Variants in CSMD1 observed in about 807,000 individuals in gnomAD.
CSMD1 encodes the protein CUB and sushi domain-containing protein 1.
A neutral mutation model predicts 417.5 loss-of-function variants in CSMD1; 213 were observed. The observed-to-expected ratio is 0.51, with a 90% CI of 0.46 to 0.57. CSMD1 has a LOEUF of 0.57. Among genes scored for constraint, CSMD1 ranks in the 20% least tolerant of loss-of-function variants. The pLI is 0.00. For synonymous variants in CSMD1, 2,862 were observed against 1,736.8 expected (o/e 1.65, Z -16.11); for missense variants, 6,923 against 4,529.7 (o/e 1.53, Z -15.17).
At chr8:4,395,970 A>G (rs368278179) in intron 3 of CSMD1, among the ~76,000 whole-genome samples, 28 of 152,320 alleles carry the variant, frequency 1.8e-4, no homozygotes, top group African/African-American at 5.8e-4. Flanking sequence ...AACTTTAGAT[A>G]AATATATTCT....
At chr8:3,276,584 C>A (rs1227358405) in intron 26 of CSMD1, among the ~76,000 whole-genome samples, 2 of 152,130 alleles carry the variant, frequency 1.3e-5, no homozygotes, top group African/African-American at 4.8e-5. Context: ...GGGTCCCTCC[C>A]ATGATACGTG....
chr8:4,889,736 G>A (rs964474578), intron 1 of CSMD1, among the ~76,000 whole-genome samples: 4 of 152,000 alleles, frequency 2.6e-5, no homozygotes, highest in Admixed American at 2.0e-4. Flanking sequence ...TAGGTCCTTG[G>A]CTATTTTTGA....
intron 6 of CSMD1, among the ~76,000 whole-genome samples, chr8:3,743,373 G>C (rs117502892): frequency 1.3e-5 from 2 of 152,284 alleles, no homozygotes; most frequent in African/African-American, 2.4e-5. Flanking sequence ...ATAATTTGCC[G>C]TCCACACATA....
At chr8:3,709,812 C>T (rs2129040499) in intron 6 of CSMD1, among the ~76,000 whole-genome samples, 1 of 147,214 alleles carries the variant, frequency 6.8e-6, no homozygotes, top group South Asian at 2.2e-4. Flanking sequence ...GCTTCATAAT[C>T]ATGTGAGTCA....
chr8:3,508,676 T>A (rs1796936785), intron 10 of CSMD1, among the ~76,000 whole-genome samples: 1 of 152,218 alleles, frequency 6.6e-6, no homozygotes, highest in African/African-American at 2.4e-5. Context: ...TTCCAGCTTA[T>A]CTATTATGGA....
chr8:3,906,602 A>T (rs1808128184), intron 5 of CSMD1, among the ~76,000 whole-genome samples: 1 of 150,990 alleles, frequency 6.6e-6, no homozygotes, highest in East Asian at 1.9e-4. Flanking sequence ...AAAAGGTAAT[A>T]CTCTAGAATC....
intron 1 of CSMD1, among the ~76,000 whole-genome samples, chr8:4,674,765 A>G (rs1014213907): frequency 7.2e-5 from 11 of 152,208 alleles, no homozygotes; most frequent in African/African-American, 1.9e-4. Context: ...GAGTATCAGC[A>G]TGCTATAGAT....
chr8:4,247,738 C>G (rs2128828237), intron 3 of CSMD1, among the ~76,000 whole-genome samples: 1 of 152,202 alleles, frequency 6.6e-6, no homozygotes, highest in African/African-American at 2.4e-5. Flanking sequence ...GAAAATGTAT[C>G]ATCAACTGCT....
At chr8:4,771,006 AAATGAAAAGGC>A (rs1371317847) in intron 1 of CSMD1, among the ~76,000 whole-genome samples, 2 of 152,216 alleles carry the variant, frequency 1.3e-5, no homozygotes, top group Non-Finnish European at 2.9e-5. Flanking sequence ...ATAATCAACA[AAATGAAAAGGC>A]AACTTACAGA....
At chr8:3,252,074 C>G (rs560889777) in intron 26 of CSMD1, among the ~76,000 whole-genome samples, 11 of 152,230 alleles carry the variant, frequency 7.2e-5, no homozygotes, top group African/African-American at 1.7e-4. Context: ...GCCTGATTGC[C>G]CTGGCCAGAA....
intron 26 of CSMD1, among the ~76,000 whole-genome samples, chr8:3,259,047 C>A (rs1800864776): frequency 6.6e-6 from 1 of 152,148 alleles, no homozygotes; most frequent in Non-Finnish European, 1.5e-5. Context: ...TACTCCAGAG[C>A]TCTAGGGAAG....
At chr8:2,962,928 G>C (rs576851810) in intron 60 of CSMD1, among the ~76,000 whole-genome samples, 5 of 152,242 alleles carry the variant, frequency 3.3e-5, no homozygotes, top group African/African-American at 1.2e-4. Flanking sequence ...CACACCTGTA[G>C]TCCCAGCTAC....
intron 7 of CSMD1, among the ~76,000 whole-genome samples, chr8:3,692,600 T>C (rs1800312955): frequency 6.6e-6 from 1 of 151,996 alleles, no homozygotes; most frequent in African/African-American, 2.4e-5. Context: ...ACACAGCTAA[T>C]TTTTGTATTT....
At chr8:3,918,472 G>A (rs969422891) in intron 5 of CSMD1, among the ~76,000 whole-genome samples, 4 of 152,046 alleles carry the variant, frequency 2.6e-5, no homozygotes, top group African/African-American at 9.7e-5. Context: ...TTATATACCT[G>A]TTGGACGTTT....
At chr8:3,452,798 C>A (rs1296074460) in intron 12 of CSMD1, among the ~76,000 whole-genome samples, 1 of 152,090 alleles carries the variant, frequency 6.6e-6, no homozygotes, top group Admixed American at 6.5e-5. Context: ...TGTGTCTCTG[C>A]CAGGCTTTGG....
chr8:4,000,517 C>T (rs189953067), intron 4 of CSMD1, among the ~76,000 whole-genome samples: 1 of 152,218 alleles, frequency 6.6e-6, no homozygotes, highest in Non-Finnish European at 1.5e-5. Flanking sequence ...CTCTAAGCCC[C>T]TTGTGTTGGG....
At chr8:3,910,972 C>T (rs951145011) in intron 5 of CSMD1, among the ~76,000 whole-genome samples, 1 of 152,218 alleles carries the variant, frequency 6.6e-6, no homozygotes, top group Non-Finnish European at 1.5e-5. Flanking sequence ...GGGCATATTT[C>T]TGTAGCTATT....
intron 10 of CSMD1, among the ~76,000 whole-genome samples, chr8:3,520,628 T>C (rs73503663): frequency 0.016 from 2,451 of 152,268 alleles, 64 homozygotes; most frequent in African/African-American, 0.056. Context: ...ACTGGCTGTT[T>C]CCTGGTTCAC....
chr8:3,781,487 C>T (rs537380213), intron 5 of CSMD1, among the ~76,000 whole-genome samples: 24 of 137,708 alleles, frequency 1.7e-4, no homozygotes, highest in Middle Eastern at 3.5e-3. Flanking sequence ...AGTTGCACCA[C>T]GTGGTGCCCC....
Sources: gnomAD v4.1 joint callset for allele counts (sites outside exome capture counted in the v4.1 genomes callset) on GRCh38, gnomAD v4.1.1 for gene constraint, MANE v1.5 for transcripts, NCBI Gene and HGNC (gene_info 2026-07-23, HGNC 2026-07-21) for gene names.